Variants in TAFA2 observed in about 807,000 individuals in gnomAD.
TAFA2 encodes the protein chemokine-like protein TAFA-2.
TAFA2 carries 7 observed loss-of-function variants against 18.8 expected under a neutral mutation model. The ratio of observed to expected loss-of-function variants is 0.37; its 90% CI spans 0.21 to 0.70. The LOEUF (loss-of-function observed/expected upper bound fraction) is 0.70. Ranked by LOEUF, TAFA2 falls within the 30% of genes least tolerant of loss-of-function variation. The pLI, the probability that TAFA2 is intolerant of heterozygous loss-of-function variation, is 0.53. For missense variants in TAFA2, 122 were observed against 158.1 expected, an observed-to-expected ratio of 0.77 and a Z score of 1.23; for synonymous variants, 60 against 54.2, an observed-to-expected ratio of 1.11 and a Z score of -0.47.
chr12:61,867,007 T>C (rs960096882), intron 2 of TAFA2, among the ~76,000 whole-genome samples: 8 of 152,118 alleles, frequency 5.3e-5, no homozygotes, highest in Admixed American at 3.9e-4. Context: ...TACGTATGTA[T>C]ACATGTGTCA....
intron 1 of TAFA2, among the ~76,000 whole-genome samples, chr12:62,069,962 G>T (rs1318617227): frequency 1.3e-5 from 2 of 152,160 alleles, no homozygotes; most frequent in Non-Finnish European, 2.9e-5. Context: ...ACTTCCTGAA[G>T]ACATTTATAC....
chr12:62,058,196 G>A (rs1882236356), intron 1 of TAFA2, among the ~76,000 whole-genome samples: 2 of 151,982 alleles, frequency 1.3e-5, no homozygotes. Flanking sequence ...TGTCTTTACT[G>A]TGGAGCTGAT....
intron 4 of TAFA2, among the ~76,000 whole-genome samples, chr12:61,719,916 A>T (rs1293263460): frequency 6.6e-6 from 1 of 152,322 alleles, no homozygotes; most frequent in Non-Finnish European, 1.5e-5. Context: ...AGAGATGATC[A>T]TTCTATATGT....
At chr12:62,137,166 A>G (rs1870929382) in intron 1 of TAFA2, among the ~76,000 whole-genome samples, 1 of 152,192 alleles carries the variant, frequency 6.6e-6, no homozygotes, top group Non-Finnish European at 1.5e-5. Flanking sequence ...ACAGATATGT[A>G]GAGAAATGTC....
At chr12:62,196,553 C>A (rs1165743427), upstream of TAFA2, among the ~76,000 whole-genome samples, 1 of 152,074 alleles carries the variant, frequency 6.6e-6, no homozygotes, top group Non-Finnish European at 1.5e-5. Flanking sequence ...AATAGGGAGA[C>A]CCCAGGAGAG....
intron 1 of TAFA2, among the ~76,000 whole-genome samples, chr12:62,114,292 TGCTTTG>T (rs1490500441): frequency 5.3e-5 from 8 of 152,270 alleles, no homozygotes; most frequent in African/African-American, 1.9e-4. Flanking sequence ...TGCCCCACCC[TGCTTTG>T]GCTCGTCCTC....
intron 1 of TAFA2, among the ~76,000 whole-genome samples, chr12:61,931,993 C>T (rs529462332): frequency 6.6e-6 from 1 of 152,216 alleles, no homozygotes; most frequent in South Asian, 2.1e-4. Context: ...CCCCCTTTGC[C>T]TCATACCTTT....
chr12:61,937,721 A>G (rs851907), intron 1 of TAFA2, among the ~76,000 whole-genome samples: 6,159 of 152,294 alleles, frequency 0.04, 219 homozygotes, highest in African/African-American at 0.1. Context: ...AAACTTAGAA[A>G]AAATTCTTCT....
chr12:61,747,670 T>G (rs1022404664), intron 4 of TAFA2, among the ~76,000 whole-genome samples: 2 of 143,090 alleles, frequency 1.4e-5, no homozygotes, highest in African/African-American at 5.3e-5. Flanking sequence ...AACAATGAGA[T>G]CACATGGACA....
chr12:61,889,780 T>C (rs1272261664), intron 1 of TAFA2, among the ~76,000 whole-genome samples: 1 of 152,238 alleles, frequency 6.6e-6, no homozygotes, highest in Non-Finnish European at 1.5e-5. Flanking sequence ...CCTTCTGTCA[T>C]TTAGAGACTT....
intron 2 of TAFA2, among the ~76,000 whole-genome samples, chr12:61,812,035 A>G (rs1871891571): frequency 6.6e-6 from 1 of 151,316 alleles, no homozygotes; most frequent in African/African-American, 2.5e-5. Context: ...TATTGTGGCT[A>G]TGTGATTAAT....
chr12:61,883,762 C>G (rs1592459181), intron 1 of TAFA2, among the ~76,000 whole-genome samples: 2 of 152,172 alleles, frequency 1.3e-5, no homozygotes, highest in African/African-American at 4.8e-5. Context: ...TCACCCAAAT[C>G]AGGTTCTATG....
intron 1 of TAFA2, among the ~76,000 whole-genome samples, chr12:61,980,077 A>G (rs1171583410): frequency 6.6e-6 from 1 of 152,060 alleles, no homozygotes. Flanking sequence ...TATGTTTATG[A>G]ACTGTTTAGA....
intron 1 of TAFA2, among the ~76,000 whole-genome samples, chr12:62,032,026 G>A (rs1458795223): frequency 1.3e-5 from 2 of 152,046 alleles, no homozygotes; most frequent in Non-Finnish European, 2.9e-5. Flanking sequence ...TATCAGACTG[G>A]GGAAACATGG....
intron 1 of TAFA2, among the ~76,000 whole-genome samples, chr12:61,992,021 A>T (rs1880028203): frequency 1.3e-5 from 2 of 152,098 alleles, no homozygotes; most frequent in South Asian, 4.1e-4. Context: ...CTAAACGTTC[A>T]TATAACTCAG....
At chr12:61,808,482 A>C (rs1048940333) in intron 2 of TAFA2, among the ~76,000 whole-genome samples, 1 of 151,450 alleles carries the variant, frequency 6.6e-6, no homozygotes, top group African/African-American at 2.5e-5. Context: ...CCCCCACCTC[A>C]TAGAAAATAC....
chr12:62,051,413 T>A (rs1223836001), intron 1 of TAFA2, among the ~76,000 whole-genome samples: 1 of 151,964 alleles, frequency 6.6e-6, no homozygotes, highest in Non-Finnish European at 1.5e-5. Context: ...AATAGAAAAA[T>A]GAATCAAACA....
At chr12:62,053,138 T>A (rs1295676304) in intron 1 of TAFA2, among the ~76,000 whole-genome samples, 2 of 152,204 alleles carry the variant, frequency 1.3e-5, no homozygotes, top group African/African-American at 4.8e-5. Flanking sequence ...AGAGTTAATT[T>A]AATTCATTGT....
At chr12:62,246,775 A>C (rs1322130871) in intron 1 of TAFA2, among the ~76,000 whole-genome samples, 3 of 152,280 alleles carry the variant, frequency 2.0e-5, no homozygotes, top group South Asian at 2.1e-4. Context: ...TTGATAGCAG[A>C]TGTAAAGACA....
Sources: allele counts gnomAD v4.1 joint callset (sites outside exome capture counted in the v4.1 genomes callset), GRCh38; gene constraint gnomAD v4.1.1; transcripts MANE v1.5; gene names NCBI Gene and HGNC (gene_info 2026-07-23, HGNC 2026-07-21).